DTNB: variants seen among roughly 807,000 people sequenced by gnomAD.
DTNB encodes DTN-B.
In DTNB, 63 loss-of-function variants were observed where a neutral mutation model predicts 90.7. The observed-to-expected ratio is 0.69, with a 90% confidence interval of 0.57 to 0.86. DTNB has a LOEUF of 0.86. Ranked by LOEUF, DTNB falls within the 40% of genes least tolerant of loss-of-function variation. The pLI is 0.00. For missense variants in DTNB, 744 were observed against 807.1 expected, an observed-to-expected ratio of 0.92 and a Z score of 0.95; for synonymous variants, 277 against 286.7, an observed-to-expected ratio of 0.97 and a Z score of 0.34.
chr2:25,649,536 T>C (rs1249740216), intron 2 of DTNB, among the ~76,000 whole-genome samples: 4 of 151,998 alleles, frequency 2.6e-5, no homozygotes, highest in South Asian at 2.1e-4. Context: ...CTGGGCACCA[T>C]AGTGTGAACC....
At chr2:25,463,478 T>C (rs528175619) in intron 10 of DTNB, among the ~76,000 whole-genome samples, 1 of 152,328 alleles carries the variant, frequency 6.6e-6, no homozygotes, top group East Asian at 1.9e-4. Flanking sequence ...CTGCAATGAG[T>C]GGCCTTGTCA....
chr2:25,453,504 C>T (rs184400943), intron 11 of DTNB, among the ~76,000 whole-genome samples: 159 of 152,294 alleles, frequency 1.0e-3, no homozygotes, highest in African/African-American at 3.7e-3. Flanking sequence ...GGGCTACCAG[C>T]CACCAATTTT....
chr2:25,638,012 T>C (rs1232380592), intron 3 of DTNB, among the ~76,000 whole-genome samples: 5 of 152,208 alleles, frequency 3.3e-5, no homozygotes, highest in Non-Finnish European at 7.3e-5. Context: ...ATATACACCA[T>C]GGAATACTAT....
chr2:25,466,325 A>T (rs555261825), intron 10 of DTNB, among the ~76,000 whole-genome samples: 2 of 152,338 alleles, frequency 1.3e-5, no homozygotes, highest in South Asian at 4.1e-4. Context: ...ACAGAGCAAG[A>T]CTATGTCTCA....
At chr2:25,549,224 T>C (rs2083086406) in intron 8 of DTNB, among the ~76,000 whole-genome samples, 1 of 151,992 alleles carries the variant, frequency 6.6e-6, no homozygotes, top group South Asian at 2.1e-4. Flanking sequence ...CAGTAATATA[T>C]ATTTGATTAT....
At chr2:25,635,476 G>A (rs2076944162) in intron 3 of DTNB, among the ~76,000 whole-genome samples, 1 of 152,124 alleles carries the variant, frequency 6.6e-6, no homozygotes, top group Non-Finnish European at 1.5e-5. Flanking sequence ...AATGAAGGAT[G>A]TGCAACATCT....
intron 14 of DTNB, among the ~76,000 whole-genome samples, chr2:25,429,320 G>A (rs1052482251): frequency 2.6e-5 from 4 of 152,018 alleles, no homozygotes; most frequent in Non-Finnish European, 5.9e-5. Flanking sequence ...GATTATGTGC[G>A]TGGCCTGCAT....
At chr2:25,483,395 T>C (rs1478440792) in intron 9 of DTNB, among the ~76,000 whole-genome samples, 2 of 152,280 alleles carry the variant, frequency 1.3e-5, no homozygotes, top group East Asian at 3.9e-4. Context: ...TCAGACTTAG[T>C]TTGTAAACTT....
chr2:25,604,894 G>T (rs1041901061), intron 5 of DTNB, among the ~76,000 whole-genome samples: 1 of 149,768 alleles, frequency 6.7e-6, no homozygotes, highest in African/African-American at 2.5e-5. Context: ...CCTTAAAATT[G>T]CTTTTATAGA....
At chr2:25,450,522 G>T (rs1418675412) in intron 12 of DTNB, among the ~76,000 whole-genome samples, 1 of 152,070 alleles carries the variant, frequency 6.6e-6, no homozygotes, top group East Asian at 1.9e-4. Context: ...GACTGTTATG[G>T]TTATTCTAGG....
At chr2:25,534,999 C>T (rs1316331849) in intron 8 of DTNB, among the ~76,000 whole-genome samples, 7 of 144,034 alleles carry the variant, frequency 4.9e-5, no homozygotes, top group African/African-American at 1.0e-4. Flanking sequence ...AGACGAAGAG[C>T]GGCCGGGCAG....
chr2:25,485,016 T>C (rs1226507100), intron 9 of DTNB, among the ~76,000 whole-genome samples: 1 of 152,174 alleles, frequency 6.6e-6, no homozygotes, highest in South Asian at 2.1e-4. Context: ...ACAATCCCTA[T>C]GAAAGAACCA....
chr2:25,496,643 A>G (rs947349497), intron 9 of DTNB, among the ~76,000 whole-genome samples: 2 of 152,168 alleles, frequency 1.3e-5, no homozygotes, highest in African/African-American at 4.8e-5. Context: ...CAAAAGTTCA[A>G]GACGAGCGTG....
At chr2:25,441,890 A>T (rs2057474044) in intron 12 of DTNB, among the ~76,000 whole-genome samples, 3 of 152,196 alleles carry the variant, frequency 2.0e-5, no homozygotes. Context: ...GAAAGTTAGG[A>T]TAGAGATGGT....
At chr2:25,422,408 T>A (rs1321613320) in intron 15 of DTNB, among the ~76,000 whole-genome samples, 1 of 136,336 alleles carries the variant, frequency 7.3e-6, no homozygotes, top group Non-Finnish European at 1.6e-5. Flanking sequence ...TTTTTTTTTT[T>A]TTTTTTTTTT....
chr2:25,409,231 A>C (rs1421311661), intron 16 of DTNB, among the ~76,000 whole-genome samples: 1 of 149,796 alleles, frequency 6.7e-6, no homozygotes, highest in African/African-American at 2.5e-5. Context: ...ACTGGATTTC[A>C]TTCATTCATT....
In DTNB at chr2:25,519,225, G is replaced by C. The variant is rs1293966387; in HGVS notation, c.1001+12248C>G. Reference sequence around the variant, plus strand: ...AAAAAAATATAAAAATTAGCCAGGCGTGGTGACATGTGCCTGTAGTCCTAG... The same window carrying C: ...AAAAAAATATAAAAATTAGCCAGGCCTGGTGACATGTGCCTGTAGTCCTAG... On this transcript the variant is annotated intron_variant, in intron 9 of 20. Transcript: ENST00000406818. 2.0e-5 allele frequency among the ~76,000 whole-genome samples: 3 copies of C among 151,920 alleles called. No individual in the cohort carries two copies. In the East Asian group the frequency reaches 5.8e-4, roughly 29 times the overall value.
intron 1 of DTNB, among the ~76,000 whole-genome samples, chr2:25,666,012 C>T (rs2084356651): frequency 2.0e-5 from 3 of 152,134 alleles, no homozygotes; most frequent in Admixed American, 2.0e-4. Context: ...TAAATGTTAG[C>T]TACTATTATT....
intron 1 of DTNB, among the ~76,000 whole-genome samples, chr2:25,663,073 C>T (rs1246163167): frequency 6.6e-6 from 1 of 152,010 alleles, no homozygotes; most frequent in African/African-American, 2.4e-5. Flanking sequence ...GGCCCCCACC[C>T]CCCAACAGGC....
Sources: allele counts gnomAD v4.1 joint callset (sites outside exome capture counted in the v4.1 genomes callset), GRCh38; gene constraint gnomAD v4.1.1; transcripts MANE v1.5; gene names NCBI Gene and HGNC (gene_info 2026-07-23, HGNC 2026-07-21).